Variants in PSD3 observed in about 807,000 individuals in gnomAD.
PSD3 encodes pleckstrin and Sec7 domain containing 3.
In PSD3, 49 loss-of-function variants were observed where a neutral mutation model predicts 105.5. The observed-to-expected ratio is 0.46, with a 90% CI of 0.37 to 0.59. The LOEUF (loss-of-function observed/expected upper bound fraction) is 0.59, where lower values mean the gene tolerates loss of function less well. Among genes scored for constraint, PSD3 ranks in the 20% least tolerant of loss-of-function variants. The pLI, the probability that PSD3 is intolerant of heterozygous loss-of-function variation, is 0.00. For synonymous variants in PSD3, 557 were observed against 457.8 expected (o/e 1.22, Z -2.77); for missense variants, 1,561 against 1,263.8 (o/e 1.24, Z -3.57).
intron 4 of PSD3, among the ~76,000 whole-genome samples, chr8:18,857,147 G>A (rs745819733): frequency 1.3e-5 from 2 of 152,174 alleles, no homozygotes; most frequent in African/African-American, 4.8e-5. Context: ...ACCTCTGTTA[G>A]GAGAATCCTC....
At chr8:18,695,498 T>A (rs1031026469) in intron 9 of PSD3, among the ~76,000 whole-genome samples, 3 of 152,340 alleles carry the variant, frequency 2.0e-5, no homozygotes, top group Middle Eastern at 3.4e-3. Flanking sequence ...ATAACTTTGA[T>A]CTATTCCCCC....
At position 18,765,523 on chromosome 8, in the gene PSD3, T is replaced by C; in HGVS notation, c.2098A>G (p.Met700Val). Residue 700 changes from methionine to valine, a missense_variant, in exon 9 of 16, where the codon ATG becomes GTG. Transcript: ENST00000327040. The part of the protein sequence containing the change: ...DLHGHNIGKK[M>V]TCQEFIANLQ... ...TTTGCAATGAACTCCTGACAGGTCA[T>C]CTTCTTTCCAATATTCTGAAACAGA... 6.2e-7 allele frequency: 1 copy of C among 1,609,798 alleles called. No individual in the cohort carries two copies. The highest frequency in any genetic ancestry group is 8.5e-7 in the Non-Finnish European group (1 of 1,176,088).
chr8:18,752,362 C>T (rs954699129), intron 9 of PSD3, among the ~76,000 whole-genome samples: 1 of 145,874 alleles, frequency 6.9e-6, no homozygotes, highest in South Asian at 2.1e-4. Flanking sequence ...CTGTGGCCAA[C>T]AGGAGGGTCT....
At position 18,917,139 on chromosome 8, in the gene PSD3, G is replaced by C. The variant is rs190169033; in HGVS notation, c.130+18895C>G. Among the ~76,000 whole-genome samples, 250 of 152,058 alleles carry C rather than the reference G, an allele frequency of 1.6e-3. 1 individual carries two copies. The highest frequency in any genetic ancestry group is 2.5e-3 in the Non-Finnish European group (168 of 68,000). ...AATGCCTTCACCTTCTTTTCTTCCC[G>C]TATCATATCAGTAACCAATATCAGC... is the stretch of plus-strand genomic sequence containing the variant. On this transcript the variant is annotated intron_variant, in intron 2 of 15. Coordinates refer to ENST00000327040, the MANE Select transcript of PSD3 (RefSeq NM_015310.4).
In PSD3 at chr8:18,804,811, G is replaced by C; in HGVS notation, c.1722C>G (p.Leu574=). The C allele has an allele frequency of 6.2e-7, 1 of 1,614,048 alleles. No individual in the cohort carries two copies. The highest frequency in any genetic ancestry group is 8.5e-7 in the Non-Finnish European group (1 of 1,179,948). Residue 574 remains leucine (L), a synonymous_variant, in exon 5 of 16, where the codon CTC becomes CTG. Transcript: ENST00000327040. The stretch of plus-strand genomic sequence containing the variant: ...CCACATTGCTGCTGGTACCATTACT[G>C]AGATTTTCTGGGGTCTCCTTTTCCA... The part of the protein sequence containing the change: ...EILEKETPEN[L]SNGTSSNVEA...
chr8:18,795,226 G>A (rs191845017), intron 8 of PSD3, among the ~76,000 whole-genome samples: 1 of 152,024 alleles, frequency 6.6e-6, no homozygotes, highest in Non-Finnish European at 1.5e-5. Context: ...AAAAACATTA[G>A]TAAGGTCGTG....
intron 2 of PSD3, among the ~76,000 whole-genome samples, chr8:18,912,849 G>A (rs1395620509): frequency 6.6e-6 from 1 of 152,002 alleles, no homozygotes; most frequent in African/African-American, 2.4e-5. Context: ...ACATTTTCAT[G>A]CAACAGGAAA....
chr8:18,802,620 G>A lies in PSD3; in HGVS notation c.1911-1238C>T, dbSNP rs1237734060. ...GAAAATCTGAGTACCTTTGCTGCAT[G>A]AAAAGAGCCCCACGATAAATCACTG... is the stretch of plus-strand genomic sequence containing the variant. On this transcript the variant is annotated intron_variant, in intron 6 of 15. Coordinates refer to ENST00000327040, the MANE Select transcript of PSD3 (RefSeq NM_015310.4). 5.3e-5 allele frequency among the ~76,000 whole-genome samples: 8 copies of A among 152,266 alleles called. No homozygotes were observed. The East Asian group carries it at 1.5e-3, about 29-fold the overall frequency.
chr8:18,545,799 A>G (rs888256541), intron 15 of PSD3, among the ~76,000 whole-genome samples: 1 of 152,166 alleles, frequency 6.6e-6, no homozygotes, highest in Non-Finnish European at 1.5e-5. Flanking sequence ...AGAGTTCTCC[A>G]TGTCAGCTTG....
At chr8:18,811,184 G>C (rs969207689) in intron 4 of PSD3, among the ~76,000 whole-genome samples, 1 of 152,196 alleles carries the variant, frequency 6.6e-6, no homozygotes, top group African/African-American at 2.4e-5. Context: ...GGATTGAATT[G>C]TCAGTCTTAT....
intron 13 of PSD3, among the ~76,000 whole-genome samples, chr8:18,573,617 A>G (rs978246629): frequency 6.6e-6 from 1 of 152,220 alleles, no homozygotes; most frequent in African/African-American, 2.4e-5. Flanking sequence ...AGTATTTAGC[A>G]ATAAAGTACT....
chr8:18,727,812 T>G (rs2129429935), intron 9 of PSD3, among the ~76,000 whole-genome samples: 1 of 152,290 alleles, frequency 6.6e-6, no homozygotes, highest in South Asian at 2.1e-4. Context: ...ATTATGCTCT[T>G]AAGGAAAACC....
Position 18,936,118 on chromosome 8 carries a change from T to A in PSD3, c.46A>T (p.Asn16Tyr). The A allele has an allele frequency of 6.2e-7, 1 of 1,612,764 alleles. No homozygotes were observed. Among genetic ancestry groups the A allele is most frequent in the Non-Finnish European group, 8.5e-7 (1 of 1,179,522 alleles). Residue 16 changes from asparagine (N) to tyrosine (Y), a missense_variant, in exon 2 of 16, where the codon AAT becomes TAT. Coordinates refer to ENST00000327040, the MANE Select transcript of PSD3 (RefSeq NM_015310.4). ...AAAETFVWVN[N>Y]ASAHSQSVAK... ...ACACTCTGGGAATGTGCAGATGCAT[T>A]GTTCACCCAAACAAATGTCTCTGCC...
chr8:18,743,843 G>C (rs1446508893), intron 9 of PSD3, among the ~76,000 whole-genome samples: 2 of 151,328 alleles, frequency 1.3e-5, no homozygotes, highest in East Asian at 3.9e-4. Context: ...CAGCTACTTT[G>C]AGGGGGGAGG....
chr8:18,635,611 A>T (rs547474160), intron 10 of PSD3, among the ~76,000 whole-genome samples: 6 of 152,144 alleles, frequency 3.9e-5, no homozygotes, highest in Non-Finnish European at 5.9e-5. Flanking sequence ...ACTATTTACA[A>T]CACCAAAGAC....
intron 1 of PSD3, among the ~76,000 whole-genome samples, chr8:18,970,349 C>CAAAAAAAAAAAAAAAAAG (rs1824570767): frequency 9.0e-6 from 1 of 110,610 alleles, no homozygotes; most frequent in Admixed American, 1.1e-4. Flanking sequence ...AAAAAAAAAA[C>CAAAAAAAAAAAAAAAAAG]AAAGAAAAGA....
intron 2 of PSD3, among the ~76,000 whole-genome samples, chr8:18,911,662 C>T (rs777616823): frequency 3.4e-4 from 51 of 152,136 alleles, no homozygotes; most frequent in Non-Finnish European, 6.8e-4. Flanking sequence ...TGTGATAAAA[C>T]AGAAAATGAA....
chr8:18,717,981 C>T (rs960992738), intron 9 of PSD3, among the ~76,000 whole-genome samples: 2 of 152,142 alleles, frequency 1.3e-5, no homozygotes, highest in Non-Finnish European at 2.9e-5. Context: ...AAGACGGCAC[C>T]CAGCGGCCTG....
chr8:18,947,303 C>T (rs987316936), intron 1 of PSD3, among the ~76,000 whole-genome samples: 1 of 152,198 alleles, frequency 6.6e-6, no homozygotes, highest in Non-Finnish European at 1.5e-5. Context: ...GAGAAGACGT[C>T]GGCAAAAAGC....
Sources: gnomAD v4.1 joint callset for allele counts (sites outside exome capture counted in the v4.1 genomes callset) on GRCh38, gnomAD v4.1.1 for gene constraint, MANE v1.5 for transcripts, NCBI Gene and HGNC (gene_info 2026-07-23, HGNC 2026-07-21) for gene names.